Variants in INPP4A observed in about 807,000 individuals in gnomAD.
The protein encoded by INPP4A is inositol polyphosphate-4-phosphatase, type I, 107kD.
Under a neutral mutation model 119.8 loss-of-function variants are expected in INPP4A, and 33 were observed. That is an observed-to-expected ratio of 0.28 (90% CI 0.21 to 0.37). The LOEUF (loss-of-function observed/expected upper bound fraction) is 0.37. Among genes scored for constraint, INPP4A ranks in the 10% least tolerant of loss-of-function variants. The probability of loss-of-function intolerance (pLI) is 1.00; values close to 1 mark genes in which losing one functional copy is unlikely to be tolerated. For missense variants in INPP4A, 956 were observed against 1,289.9 expected (o/e 0.74, Z 3.97); for synonymous variants, 496 against 500.7 (o/e 0.99, Z 0.12).
chr2:98,529,800 A>G (rs562952697), intron 4 of INPP4A, among the ~76,000 whole-genome samples: 1 of 152,324 alleles, frequency 6.6e-6, no homozygotes, highest in Non-Finnish European at 1.5e-5. Flanking sequence ...GAACTTTATG[A>G]TATGTGAATC....
rs566089753 is a variant in INPP4A, at chr2:98,587,677, C to A, written c.*69C>A. Reference sequence around the variant, plus strand: ...TACCCTCTAGTGTCATATATGAATTCTTCAAGAAGACCTGAAGGATTGGTT... The same window carrying A: ...TACCCTCTAGTGTCATATATGAATTATTCAAGAAGACCTGAAGGATTGGTT... On this transcript the variant is annotated 3_prime_UTR_variant, in exon 25 of 25. Coordinates refer to ENST00000409851, the MANE Select transcript of INPP4A (RefSeq NM_001134225.2). 2 of 1,199,542 alleles carry A rather than the reference C, an allele frequency of 1.7e-6. No homozygotes were observed. The highest frequency in any genetic ancestry group is 5.6e-5 in the East Asian group (2 of 36,026). The allele number at this position is 1,199,542 out of a possible 1,614,324, so 74.3% of individuals were successfully genotyped here.
At chr2:98,479,913 A>G (rs1678061074) in intron 1 of INPP4A, among the ~76,000 whole-genome samples, 2 of 152,158 alleles carry the variant, frequency 1.3e-5, no homozygotes, top group Non-Finnish European at 2.9e-5. Flanking sequence ...CCAGACACCT[A>G]GTTTGTGACT....
At chr2:98,543,424 G>A (rs191104683) in intron 10 of INPP4A, among the ~76,000 whole-genome samples, 6 of 152,178 alleles carry the variant, frequency 3.9e-5, no homozygotes, top group South Asian at 4.1e-4. Context: ...GGGAGATGAC[G>A]AGGCAAGCAG....
intron 21 of INPP4A, among the ~76,000 whole-genome samples, chr2:98,567,541 A>G (rs1164706015): frequency 1.3e-5 from 2 of 152,200 alleles, no homozygotes; most frequent in Non-Finnish European, 2.9e-5. Context: ...TGGTGCCTGC[A>G]TCCAGTAGCT....
chr2:98,529,567 T>C (rs534663734), intron 4 of INPP4A, among the ~76,000 whole-genome samples: 1 of 152,146 alleles, frequency 6.6e-6, no homozygotes, highest in South Asian at 2.1e-4. Context: ...ACCCCGTCTC[T>C]ACTAAAAAAA....
chr2:98,568,488 C>T, intron 21 of INPP4A, 83 bp from the exon 22 acceptor site: 1 of 686,910 alleles, frequency 1.5e-6, no homozygotes, highest in East Asian at 2.7e-5. Flanking sequence ...AGAGAATCAG[C>T]ATAGTTAGCT....
At chr2:98,504,890 A>G (rs563832869) in intron 1 of INPP4A, among the ~76,000 whole-genome samples, 16 of 152,334 alleles carry the variant, frequency 1.1e-4, no homozygotes, top group Admixed American at 1.3e-4. Context: ...GTGCCTCTTC[A>G]GGCCCACGTG....
chr2:98,534,075 G>T (rs1210954888), intron 5 of INPP4A, among the ~76,000 whole-genome samples: 1 of 152,258 alleles, frequency 6.6e-6, no homozygotes, highest in African/African-American at 2.4e-5. Flanking sequence ...TATTTGTAAA[G>T]TGAAGAATTA....
At chr2:98,537,518 G>A (rs1690542052) in intron 7 of INPP4A, among the ~76,000 whole-genome samples, 1 of 152,204 alleles carries the variant, frequency 6.6e-6, no homozygotes, top group Non-Finnish European at 1.5e-5. Context: ...ACTCTGACAC[G>A]TGTCCCCCTC....
At position 98,563,453 on chromosome 2, in the gene INPP4A, C is replaced by T. The variant is rs750950779; in HGVS notation, c.1856-12C>T. The T allele has an allele frequency of 1.9e-6, 3 of 1,610,074 alleles. No homozygotes were observed. The highest frequency in any genetic ancestry group is 2.5e-6 in the Non-Finnish European group (3 of 1,177,778). On this transcript the variant is annotated splice_polypyrimidine_tract_variant and intron_variant, in intron 17 of 24. Transcript: ENST00000409851. ...CTCTCTCATTGTGATGACCCCTTCGCTTGTGCCCCAGGTGAATGGAGTGAG... is the reference window on the plus strand; with the variant it reads ...CTCTCTCATTGTGATGACCCCTTCGTTTGTGCCCCAGGTGAATGGAGTGAG...
chr2:98,502,023 C>T (rs1683226815), intron 1 of INPP4A, among the ~76,000 whole-genome samples: 1 of 152,214 alleles, frequency 6.6e-6, no homozygotes, highest in South Asian at 2.1e-4. Context: ...CCCACCTGCT[C>T]CCAGGTACAC....
intron 10 of INPP4A, among the ~76,000 whole-genome samples, chr2:98,541,048 C>T (rs1691328735): frequency 6.6e-6 from 1 of 152,222 alleles, no homozygotes; most frequent in South Asian, 2.1e-4. Context: ...GGGCAAGAGG[C>T]CAGGCGCAGT....
chr2:98,565,802 G>A, intron 20 of INPP4A, 36 bp downstream of exon 20: 3 of 1,597,106 alleles, frequency 1.9e-6, no homozygotes, highest in Non-Finnish European at 2.6e-6. Context: ...GAGCCAGAGA[G>A]CGGTTTTCAT....
intron 1 of INPP4A, among the ~76,000 whole-genome samples, chr2:98,457,706 T>G (rs1482466295): frequency 6.6e-6 from 1 of 152,246 alleles, no homozygotes; most frequent in Non-Finnish European, 1.5e-5. Context: ...TTATTAAAGC[T>G]GTTTGAGCTT....
At chr2:98,452,070 T>C (rs779409616) in intron 1 of INPP4A, among the ~76,000 whole-genome samples, 11 of 152,146 alleles carry the variant, frequency 7.2e-5, no homozygotes, top group Non-Finnish European at 1.6e-4. Context: ...CTCATGATTC[T>C]GAGATGGTCG....
rs537380501 is a variant in INPP4A at position 98,471,515 on chromosome 2, G to A, written c.-166+26430G>A. On this transcript the variant is annotated intron_variant, in intron 1 of 24. Transcript: ENST00000409851. ...CATCTGAGAATTTTAAGCTCTGGTG[G>A]ATGGAAGTAAGGTTGCTTTTGAACA... Among the ~76,000 whole-genome samples, 88 of 152,278 alleles carry A rather than the reference G, an allele frequency of 5.8e-4. 1 individual carries two copies. Among genetic ancestry groups the A allele is most frequent in the Non-Finnish European group, 9.6e-4 (65 of 68,030 alleles).
intron 1 of INPP4A, among the ~76,000 whole-genome samples, chr2:98,463,991 G>A (rs1674181083): frequency 6.6e-6 from 1 of 152,242 alleles, no homozygotes; most frequent in African/African-American, 2.4e-5. Context: ...GCAGAAGCTT[G>A]TAGAAGAATG....
chr2:98,539,136 TAAAG>T (rs1690902674), intron 9 of INPP4A, among the ~76,000 whole-genome samples, 155 bp downstream of exon 9: 2 of 152,190 alleles, frequency 1.3e-5, no homozygotes, highest in South Asian at 4.1e-4. Flanking sequence ...TTGCAGCATA[TAAAG>T]AGTTATCACA....
intron 2 of INPP4A, chr2:98,519,580 G>T: frequency 6.3e-6 from 1 of 158,362 alleles, no homozygotes. Flanking sequence ...AGAGGTTGTG[G>T]TGAATTGATT....
Sources: allele counts gnomAD v4.1 joint callset (sites outside exome capture counted in the v4.1 genomes callset), GRCh38; gene constraint gnomAD v4.1.1; transcripts MANE v1.5; gene names NCBI Gene and HGNC (gene_info 2026-07-23, HGNC 2026-07-21).